DGKI: variants seen among roughly 807,000 people sequenced by gnomAD.
DGKI encodes DAG kinase iota.
A neutral mutation model predicts 147.5 loss-of-function variants in DGKI; 55 were observed. That is an observed-to-expected ratio of 0.37 (90% CI 0.30 to 0.47). The LOEUF (loss-of-function observed/expected upper bound fraction) is 0.47. Ranked by LOEUF, DGKI falls within the 20% of genes least tolerant of loss-of-function variation. DGKI has a pLI of 1.00. For missense variants in DGKI, 1,007 were observed against 1,323.8 expected, an observed-to-expected ratio of 0.76 and a Z score of 3.71; for synonymous variants, 469 against 477.1, an observed-to-expected ratio of 0.98 and a Z score of 0.22.
chr7:137,738,344 T>C (rs1294487619), intron 1 of DGKI, among the ~76,000 whole-genome samples: 1 of 152,112 alleles, frequency 6.6e-6, no homozygotes, highest in Admixed American at 6.6e-5. Flanking sequence ...TACACAATTA[T>C]ATGTATAATC....
At chr7:137,393,225 A>AT (rs35233886) in intron 32 of DGKI, among the ~76,000 whole-genome samples, 106,028 of 151,114 alleles carry the variant, frequency 0.7, 39,582 homozygotes, top group Non-Finnish European at 0.83. Flanking sequence ...AGCTATTTCC[A>AT]TTTTTTTTTA....
At chr7:137,630,552 C>T (rs368719126) in intron 6 of DGKI, among the ~76,000 whole-genome samples, 3 of 152,250 alleles carry the variant, frequency 2.0e-5, no homozygotes, top group South Asian at 2.1e-4. Flanking sequence ...ATAGCTTCCA[C>T]GATATCTTCA....
chr7:137,703,409 G>C (rs1230132390), intron 1 of DGKI, among the ~76,000 whole-genome samples: 1 of 152,176 alleles, frequency 6.6e-6, no homozygotes, highest in Non-Finnish European at 1.5e-5. Context: ...ACATGCTCAG[G>C]AAAAATCTGA....
chr7:137,638,438 A>ACACACATATATATGTATATATATGTGTG (rs1821410443), intron 6 of DGKI, among the ~76,000 whole-genome samples: 2 of 106,624 alleles, frequency 1.9e-5, no homozygotes, highest in Non-Finnish European at 3.9e-5. Flanking sequence ...CTATATATAT[A>ACACACATATATATGTATATATATGTGTG]TATATACACA....
At chr7:137,767,327 C>A (rs192909849) in intron 1 of DGKI, among the ~76,000 whole-genome samples, 2 of 152,164 alleles carry the variant, frequency 1.3e-5, no homozygotes, top group East Asian at 1.9e-4. Context: ...AAAAAAAACT[C>A]TTTGGTAAGA....
intron 1 of DGKI, among the ~76,000 whole-genome samples, chr7:137,762,106 T>C (rs1193615694): frequency 3.3e-5 from 5 of 152,212 alleles, no homozygotes; most frequent in Admixed American, 3.3e-4. Context: ...TTTACCCCTC[T>C]CAAATCATTC....
intron 1 of DGKI, among the ~76,000 whole-genome samples, chr7:137,733,813 A>G (rs1420066458): frequency 6.6e-6 from 1 of 152,106 alleles, no homozygotes; most frequent in Non-Finnish European, 1.5e-5. Flanking sequence ...GACCTCATCG[A>G]AAGGGTGGCC....
At chr7:137,618,477 C>T (rs971924977) in intron 8 of DGKI, among the ~76,000 whole-genome samples, 6 of 150,108 alleles carry the variant, frequency 4.0e-5, no homozygotes, top group Non-Finnish European at 5.9e-5. Context: ...CCCTCCCCCC[C>T]ACTTCATAAC....
At chr7:137,800,216 T>C (rs961126329) in intron 1 of DGKI, among the ~76,000 whole-genome samples, 1 of 152,190 alleles carries the variant, frequency 6.6e-6, no homozygotes, top group South Asian at 2.1e-4. Context: ...TGGAGTGATA[T>C]ACCAGCCAAA....
intron 4 of DGKI, 99 bp downstream of exon 4, chr7:137,656,367 G>A: frequency 8.1e-7 from 1 of 1,229,952 alleles, no homozygotes; most frequent in Non-Finnish European, 1.2e-6. Flanking sequence ...TTTTTTAAGG[G>A]CATTGTTTTC....
At chr7:137,605,514 G>C (rs1448790027) in intron 10 of DGKI, among the ~76,000 whole-genome samples, 2 of 151,998 alleles carry the variant, frequency 1.3e-5, no homozygotes, top group Non-Finnish European at 2.9e-5. Flanking sequence ...GAAAAACAAA[G>C]AGACAATTAC....
Position 137,638,630 on chromosome 7 carries a change from G to GTA in DGKI, c.804+6841_804+6842insTA. Among the ~76,000 whole-genome samples, 2 of 4,060 alleles carry GTA rather than the reference G, an allele frequency of 4.9e-4. 1 individual carries two copies. The highest frequency in any genetic ancestry group is 0.034 in the South Asian group (2 of 58). 2.7% of individuals were successfully genotyped at this position (4,060 alleles called of 152,430 possible). Reference sequence around the variant, plus strand: ...TATATATACACACACACATATATATGTGTGTATATATGTGTATGTATATAC... The same window carrying GTA: ...TATATATACACACACACATATATATGTATGTGTATATATGTGTATGTATATAC... On this transcript the variant is annotated intron_variant, in intron 6 of 32. Transcript: ENST00000614521.
intron 3 of DGKI, among the ~76,000 whole-genome samples, chr7:137,668,418 C>A (rs1001692279): frequency 6.6e-6 from 1 of 152,204 alleles, no homozygotes; most frequent in Admixed American, 6.5e-5. Flanking sequence ...GGAATTCAGA[C>A]GTCCTGGATT....
chr7:137,713,913 A>G (rs7806658), intron 1 of DGKI, among the ~76,000 whole-genome samples: 55,530 of 152,052 alleles, frequency 0.37, 10,476 homozygotes, highest in South Asian at 0.5. Flanking sequence ...CACTGAGATT[A>G]TAAGGCATGA....
chr7:137,533,520 C>T (rs969531901), intron 20 of DGKI, among the ~76,000 whole-genome samples: 2 of 152,066 alleles, frequency 1.3e-5, no homozygotes, highest in African/African-American at 4.8e-5. Context: ...AATCAAGTCT[C>T]TATTAAAGGC....
At chr7:137,557,006 G>T (rs1364338927) in intron 19 of DGKI, among the ~76,000 whole-genome samples, 1 of 148,436 alleles carries the variant, frequency 6.7e-6, no homozygotes, top group Non-Finnish European at 1.5e-5. Flanking sequence ...AACCTTCCCA[G>T]AACAGGAAGA....
At chr7:137,754,373 G>GC (rs1795615726) in intron 1 of DGKI, among the ~76,000 whole-genome samples, 2 of 152,140 alleles carry the variant, frequency 1.3e-5, no homozygotes, top group East Asian at 3.8e-4. Context: ...TTCAGGTCCT[G>GC]CCCCTTGTCT....
intron 1 of DGKI, among the ~76,000 whole-genome samples, chr7:137,772,590 C>A (rs1796238738): frequency 6.6e-6 from 1 of 152,124 alleles, no homozygotes; most frequent in Non-Finnish European, 1.5e-5. Context: ...CTAAAGGCAA[C>A]CATTCGTAAC....
chr7:137,537,061 C>A (rs1389087271), intron 20 of DGKI, among the ~76,000 whole-genome samples: 2 of 152,144 alleles, frequency 1.3e-5, no homozygotes, highest in South Asian at 2.1e-4. Context: ...TTTTATGGAA[C>A]TAGCAGGGAA....
Sources: allele counts gnomAD v4.1 joint callset (sites outside exome capture counted in the v4.1 genomes callset), GRCh38; gene constraint gnomAD v4.1.1; transcripts MANE v1.5; gene names NCBI Gene and HGNC (gene_info 2026-07-23, HGNC 2026-07-21).